Variants in ELMOD3 observed in about 807,000 individuals in gnomAD.
ELMOD3 encodes the protein ELMO domain-containing protein 3.
A neutral mutation model predicts 47.4 loss-of-function variants in ELMOD3; 36 were observed. That is an observed-to-expected ratio of 0.76 (90% CI 0.58 to 1.00). ELMOD3 has a LOEUF of 1.00. Among genes scored for constraint, ELMOD3 ranks in the 50% least tolerant of loss-of-function variants. The probability of loss-of-function intolerance (pLI) is 0.00; values close to 1 mark genes in which losing one functional copy is unlikely to be tolerated. For synonymous variants in ELMOD3, 149 were observed against 183.5 expected (o/e 0.81, Z 1.52); for missense variants, 404 against 463.8 (o/e 0.87, Z 1.18).
chr2:85,369,881 G>A (rs1260623787), intron 8 of ELMOD3, 51 bp downstream of exon 8: 4 of 1,602,902 alleles, frequency 2.5e-6, no homozygotes, highest in African/African-American at 1.3e-5. Context: ...TTTTCCCTAG[G>A]AGCCAAGCCT....
chr2:85,356,049 C>G (rs1274666245), intron 3 of ELMOD3: 1 of 152,280 alleles, frequency 6.6e-6, no homozygotes, highest in Non-Finnish European at 1.5e-5. Context: ...TGTGGGCCAT[C>G]TGCCCACTTA....
rs1420637922 is a variant in ELMOD3 at position 85,390,839 on chromosome 2, A to T, written c.1023A>T (p.Gly341=). The part of the protein sequence containing the change: ...LELYLARVSK[G]QASLLGAQKC... ...TGTACTTGGCCAGGGTGTCAAAGGGACAGGCCTCCTTGTTGGGAGCACAGA... is the reference window on the plus strand; with the variant it reads ...TGTACTTGGCCAGGGTGTCAAAGGGTCAGGCCTCCTTGTTGGGAGCACAGA... The change falls in exon 14 of 14, where the codon GGA becomes GGT. Residue 341 remains glycine, a synonymous_variant. Coordinates refer to ENST00000409013, the MANE Select transcript of ELMOD3 (RefSeq NM_001135022.2). 4 of 1,551,552 alleles carry T rather than the reference A, an allele frequency of 2.6e-6. No individual in the cohort carries two copies. In the South Asian group the frequency reaches 3.6e-5, roughly 14 times the overall value.
intron 6 of ELMOD3, among the ~76,000 whole-genome samples, chr2:85,364,369 A>C (rs1218477161): frequency 6.6e-6 from 1 of 151,956 alleles, no homozygotes; most frequent in Non-Finnish European, 1.5e-5. Flanking sequence ...GCAAATCACG[A>C]GGTCAGGAGT....
intron 1 of ELMOD3, 77 bp downstream of exon 1, chr2:85,354,906 G>A (rs1398455879): frequency 5.7e-6 from 1 of 173,928 alleles, no homozygotes; most frequent in East Asian, 1.7e-4. Context: ...AGGAGGGAGG[G>A]AGAATGTGAT....
intron 11 of ELMOD3, among the ~76,000 whole-genome samples, chr2:85,385,920 T>C (rs891246588): frequency 2.0e-5 from 3 of 152,194 alleles, no homozygotes; most frequent in Non-Finnish European, 2.9e-5. Flanking sequence ...ACAATGTTTC[T>C]GAACAAAGCC....
chr2:85,370,322 C>A (rs772975711), intron 8 of ELMOD3, among the ~76,000 whole-genome samples: 1 of 151,032 alleles, frequency 6.6e-6, no homozygotes, highest in Non-Finnish European at 1.5e-5. Context: ...CCAGCTCTTT[C>A]GGAGGAGGCT....
intron 12 of ELMOD3, 115 bp downstream of exon 12, chr2:85,389,942 A>G: frequency 2.3e-5 from 26 of 1,130,952 alleles, no homozygotes; most frequent in Non-Finnish European, 2.9e-5. Context: ...GGGCCTGGAC[A>G]AAGTCCCCAT....
chr2:85,379,452 G>A (rs147966460), intron 11 of ELMOD3, among the ~76,000 whole-genome samples: 2,739 of 152,272 alleles, frequency 0.018, 93 homozygotes, highest in African/African-American at 0.062. Flanking sequence ...TGATCTGCCC[G>A]CCTCAGCCTC....
At chr2:85,363,065 A>C (rs768302094) in intron 5 of ELMOD3, 32 bp from the exon 6 acceptor site, 1 of 1,445,398 alleles carries the variant, frequency 6.9e-7, no homozygotes, top group Non-Finnish European at 9.7e-7. Flanking sequence ...TGTGGATTCT[A>C]TCCTCAAGCT....
Position 85,361,902 on chromosome 2 carries a change from G to T in ELMOD3, c.55-284G>T, listed in dbSNP as rs1012140774. ...GCCGAGATCGTGCCACTGTACTCCA[G>T]CCTGGGTGACAGAGTGAGACTCCGT... is the stretch of plus-strand genomic sequence containing the variant. On this transcript the variant is annotated intron_variant, in intron 4 of 13. Transcript: ENST00000409013. Among the ~76,000 whole-genome samples the T allele has an allele frequency of 1.1e-3, 173 of 151,914 alleles. 1 individual carries two copies. Among genetic ancestry groups the T allele is most frequent in the African/African-American group, 4.1e-3 (168 of 41,438 alleles).
intron 8 of ELMOD3, 60 bp from the exon 9 acceptor site, chr2:85,371,026 G>A (rs1684749288): frequency 1.3e-6 from 2 of 1,578,216 alleles, no homozygotes; most frequent in African/African-American, 2.7e-5. Flanking sequence ...GAGCCTGATG[G>A]GAAGTTGATT....
rs570868986 is a variant in ELMOD3, at chr2:85,367,055, C to G, written c.200-1631C>G. Reference sequence around the variant, plus strand: ...TGGTGGCTCTAGAAAGCCCATCCTTCTGCTCTTCTTTTTTTCTCCCCCTTA... The same window carrying G: ...TGGTGGCTCTAGAAAGCCCATCCTTGTGCTCTTCTTTTTTTCTCCCCCTTA... On this transcript the variant is annotated intron_variant, in intron 6 of 13. Transcript: ENST00000409013. Among the ~76,000 whole-genome samples the G allele has an allele frequency of 4.6e-5, 7 of 152,352 alleles. No individual in the cohort carries two copies. In the South Asian group the frequency reaches 1.2e-3, roughly 27 times the overall value.
At position 85,363,084 on chromosome 2, in the gene ELMOD3, G is replaced by A. The variant is rs199716491; in HGVS notation, c.130-13G>A. The A allele has an allele frequency of 2.2e-4, 346 of 1,586,302 alleles. 3 individuals are homozygous for A. The South Asian group carries it at 3.7e-3, about 17-fold the overall frequency. On this transcript the variant is annotated splice_polypyrimidine_tract_variant and intron_variant, in intron 5 of 13. Transcript: ENST00000409013. ...GATTCTATCCTCAAGCTAAAGGTCAGCTGCCTCTACAGATCTCAGAGTTGA... is the reference window on the plus strand; with the variant it reads ...GATTCTATCCTCAAGCTAAAGGTCAACTGCCTCTACAGATCTCAGAGTTGA...
chr2:85,364,825 A>ATATATATATTTTTTTTTT (rs375582916), intron 6 of ELMOD3, among the ~76,000 whole-genome samples: 1 of 69,894 alleles, frequency 1.4e-5, no homozygotes, highest in African/African-American at 6.7e-5. Flanking sequence ...ATATATATAT[A>ATATATATATTTTTTTTTT]TTTTTTTTTT....
chr2:85,382,166 G>A (rs1218126527), intron 11 of ELMOD3, among the ~76,000 whole-genome samples: 1 of 145,754 alleles, frequency 6.9e-6, no homozygotes, highest in Admixed American at 6.9e-5. Flanking sequence ...AGGGCTGGGT[G>A]CAGCGGCTCA....
intron 6 of ELMOD3, among the ~76,000 whole-genome samples, chr2:85,365,210 G>A (rs1017009120): frequency 2.6e-5 from 4 of 151,092 alleles, no homozygotes; most frequent in East Asian, 3.9e-4. Context: ...TGAGGCGGGC[G>A]GATCACAAGG....
At chr2:85,379,352 A>G (rs936450357) in intron 11 of ELMOD3, among the ~76,000 whole-genome samples, 8 of 152,120 alleles carry the variant, frequency 5.3e-5, no homozygotes, top group Non-Finnish European at 1.0e-4. Flanking sequence ...GATTATAGGC[A>G]CATGCCACCA....
intron 11 of ELMOD3, among the ~76,000 whole-genome samples, chr2:85,381,365 A>ATTCC (rs1685527192): frequency 6.6e-6 from 1 of 152,246 alleles, no homozygotes; most frequent in African/African-American, 2.4e-5. Flanking sequence ...GAAAATCTCC[A>ATTCC]TTCCTTGAGA....
intron 8 of ELMOD3, 38 bp downstream of exon 8, chr2:85,369,868 G>C (rs374016114): frequency 1.9e-6 from 3 of 1,608,832 alleles, no homozygotes; most frequent in African/African-American, 2.7e-5. Context: ...CAAGCAAAGT[G>C]CCTTTTCCCT....
Sources: gnomAD v4.1 joint callset for allele counts (sites outside exome capture counted in the v4.1 genomes callset) on GRCh38, gnomAD v4.1.1 for gene constraint, MANE v1.5 for transcripts, NCBI Gene and HGNC (gene_info 2026-07-23, HGNC 2026-07-21) for gene names.